RHOA: variants seen among roughly 807,000 people sequenced by gnomAD.
RHOA encodes ras homolog family member A.
A neutral mutation model predicts 17.5 loss-of-function variants in RHOA; 3 were observed. The ratio of observed to expected loss-of-function variants is 0.17; its 90% confidence interval spans 0.08 to 0.44. RHOA has a LOEUF of 0.44. RHOA is among the 20% of genes least tolerant of loss of function. The probability of loss-of-function intolerance (pLI) is 0.99; values close to 1 mark genes in which losing one functional copy is unlikely to be tolerated. For synonymous variants in RHOA, 98 were observed against 88.4 expected, an observed-to-expected ratio of 1.11 and a Z score of -0.61; for missense variants, 56 against 242.3, an observed-to-expected ratio of 0.23 and a Z score of 5.10.
At chr3:49,372,287 C>T (rs990189046) in intron 2 of RHOA, among the ~76,000 whole-genome samples, 5 of 152,164 alleles carry the variant, frequency 3.3e-5, no homozygotes, top group African/African-American at 1.2e-4. Context: ...GAATTAACAC[C>T]CTCTGTATTG....
At chr3:49,409,131 A>C (rs2107916783) in intron 1 of RHOA, among the ~76,000 whole-genome samples, 1 of 150,726 alleles carries the variant, frequency 6.6e-6, no homozygotes, top group South Asian at 2.2e-4. Flanking sequence ...GTGGTGGCTC[A>C]CCCTTGTAAT....
chr3:49,395,093 C>CAA (rs71627385), intron 1 of RHOA, among the ~76,000 whole-genome samples: 6 of 149,180 alleles, frequency 4.0e-5, no homozygotes, highest in South Asian at 2.1e-4. Flanking sequence ...ACTAAAAATA[C>CAA]AAAAAAAAAC....
intron 1 of RHOA, among the ~76,000 whole-genome samples, chr3:49,395,250 CA>C (rs1212231450): frequency 0.021 from 2,328 of 111,470 alleles, 50 homozygotes; most frequent in African/African-American, 0.064. Context: ...GACTCCGTCT[CA>C]AAAAAAAAAA....
chr3:49,394,531 A>T (rs1319963866), intron 1 of RHOA, among the ~76,000 whole-genome samples: 1 of 151,926 alleles, frequency 6.6e-6, no homozygotes, highest in African/African-American at 2.4e-5. Context: ...TTGTAATTTT[A>T]GTAGAGATGG....
intron 1 of RHOA, among the ~76,000 whole-genome samples, chr3:49,402,910 G>T (rs1374300851): frequency 6.6e-6 from 1 of 151,814 alleles, no homozygotes; most frequent in Admixed American, 6.6e-5. Context: ...GGTGGCGGGT[G>T]CCTGTAGTTC....
At chr3:49,372,073 T>C (rs1222180238) in intron 2 of RHOA, among the ~76,000 whole-genome samples, 1 of 152,220 alleles carries the variant, frequency 6.6e-6, no homozygotes, top group Non-Finnish European at 1.5e-5. Flanking sequence ...AACCTGACAT[T>C]GCTTCCCCAA....
At chr3:49,362,782 A>C (rs2047992367) in intron 3 of RHOA, among the ~76,000 whole-genome samples, 156 bp from the exon 4 acceptor site, 1 of 152,182 alleles carries the variant, frequency 6.6e-6, no homozygotes, top group Non-Finnish European at 1.5e-5. Flanking sequence ...ATAAAAAGGA[A>C]ATATAATCCC....
intron 1 of RHOA, among the ~76,000 whole-genome samples, chr3:49,390,507 G>C (rs996377670): frequency 6.6e-6 from 1 of 151,064 alleles, no homozygotes; most frequent in Non-Finnish European, 1.5e-5. Flanking sequence ...CAGGTAATTC[G>C]CCTGCCTTGG....
At chr3:49,398,086 C>T (rs908632041) in intron 1 of RHOA, among the ~76,000 whole-genome samples, 3 of 152,122 alleles carry the variant, frequency 2.0e-5, no homozygotes, top group African/African-American at 4.8e-5. Context: ...TTAGGCTAGG[C>T]GTGGTGGCTC....
At chr3:49,373,675 A>G (rs1408029721) in intron 2 of RHOA, among the ~76,000 whole-genome samples, 6 of 152,142 alleles carry the variant, frequency 3.9e-5, no homozygotes, top group Non-Finnish European at 7.4e-5. Context: ...GTGGTGGCAC[A>G]TACCTACAGT....
chr3:49,375,506 G>A lies in RHOA; in HGVS notation c.84C>T (p.Asp28=), dbSNP rs2107849652. The change falls in exon 2 of 5, where the codon GAC becomes GAT. Residue 28 remains aspartate (D), a synonymous_variant. Coordinates refer to ENST00000418115, the MANE Select transcript of RHOA (RefSeq NM_001664.4). The part of the protein sequence containing the change: ...KTCLLIVFSK[D]QFPEVYVPTV... Reference sequence around the variant, plus strand: ...TGGGCACATACACCTCTGGGAACTGGTCCTTGCTGAAGACTATGAGCAAGC... The same window carrying A: ...TGGGCACATACACCTCTGGGAACTGATCCTTGCTGAAGACTATGAGCAAGC... 6.2e-7 allele frequency: 1 copy of A among 1,614,112 alleles called. No homozygotes were observed. The highest frequency in any genetic ancestry group is 8.5e-7 in the Non-Finnish European group (1 of 1,179,998).
chr3:49,403,134 C>T (rs996093775), intron 1 of RHOA, among the ~76,000 whole-genome samples: 3 of 151,606 alleles, frequency 2.0e-5, no homozygotes, highest in Non-Finnish European at 4.4e-5. Flanking sequence ...AAGATCAGAT[C>T]GAGACCATCC....
intron 1 of RHOA, among the ~76,000 whole-genome samples, chr3:49,387,773 T>C (rs1404479470): frequency 6.6e-6 from 1 of 151,652 alleles, no homozygotes; most frequent in African/African-American, 2.4e-5. Context: ...AACCCTATTA[T>C]GTTTGTTTTC....
chr3:49,381,910 G>A (rs2048324286), intron 1 of RHOA, among the ~76,000 whole-genome samples: 1 of 151,762 alleles, frequency 6.6e-6, no homozygotes, highest in Admixed American at 6.6e-5. Flanking sequence ...TTAGAGTCAA[G>A]TGTGGCAACT....
At chr3:49,364,814 A>G (rs2048028468) in intron 3 of RHOA, among the ~76,000 whole-genome samples, 1 of 151,326 alleles carries the variant, frequency 6.6e-6, no homozygotes, top group Non-Finnish European at 1.5e-5. Flanking sequence ...TCTACTAATA[A>G]TACAAAAATT....
At chr3:49,399,947 A>G (rs2107897807) in intron 1 of RHOA, among the ~76,000 whole-genome samples, 1 of 152,212 alleles carries the variant, frequency 6.6e-6, no homozygotes, top group South Asian at 2.1e-4. Flanking sequence ...ACGGCTGGGC[A>G]CGGTGGCTCA....
intron 1 of RHOA, among the ~76,000 whole-genome samples, chr3:49,380,210 G>T (rs541757502): frequency 6.6e-6 from 1 of 152,288 alleles, no homozygotes; most frequent in East Asian, 1.9e-4. Context: ...ATCCTGGTAT[G>T]TGAGAATGAA....
At chr3:49,381,949 G>A (rs930468479) in intron 1 of RHOA, among the ~76,000 whole-genome samples, 8 of 152,030 alleles carry the variant, frequency 5.3e-5, no homozygotes, top group Admixed American at 5.3e-4. Flanking sequence ...TACTCAGGAG[G>A]CTGAGGTGGG....
intron 1 of RHOA, among the ~76,000 whole-genome samples, chr3:49,408,287 AGT>A (rs995907752): frequency 2.2e-5 from 3 of 136,986 alleles, no homozygotes; most frequent in African/African-American, 5.5e-5. Flanking sequence ...CGTATACACA[AGT>A]ATATATACAT....
Sources: allele counts gnomAD v4.1 joint callset (sites outside exome capture counted in the v4.1 genomes callset), GRCh38; gene constraint gnomAD v4.1.1; transcripts MANE v1.5; gene names NCBI Gene and HGNC (gene_info 2026-07-23, HGNC 2026-07-21).